The following HERC5 variants were observed in gnomAD, a reference collection of about 807,000 sequenced individuals.
HERC5 encodes HECT and RLD domain containing E3 ubiquitin protein ligase 5.
HERC5 carries 99 observed loss-of-function variants against 119.6 expected under a neutral mutation model. That is an observed-to-expected ratio of 0.83 (90% confidence interval 0.70 to 0.98). The LOEUF (loss-of-function observed/expected upper bound fraction) is 0.98, where lower values mean the gene tolerates loss of function less well. HERC5 is among the 50% of genes least tolerant of loss of function. HERC5 has a pLI of 0.00. For missense variants in HERC5, 1,267 were observed against 1,241.3 expected, an observed-to-expected ratio of 1.02 and a Z score of -0.31; for synonymous variants, 478 against 445.9, an observed-to-expected ratio of 1.07 and a Z score of -0.91.
At position 88,488,670 on chromosome 4, in the gene HERC5, T is replaced by C. The variant is rs545430431; in HGVS notation, c.1963-496T>C. Among the ~76,000 whole-genome samples the C allele has an allele frequency of 2.0e-5, 3 of 152,186 alleles. No homozygotes were observed. The East Asian group carries it at 5.8e-4, about 29-fold the overall frequency. The stretch of plus-strand genomic sequence containing the variant: ...TTCTTAGGTAAATTCTCCCTTAAAA[T>C]CTCTTGTCTTGGTTTTTTTTTTCCT... On this transcript the variant is annotated intron_variant, in intron 15 of 22. Transcript: ENST00000264350.
chr4:88,488,234 CTT>C (rs1233602413), intron 15 of HERC5, among the ~76,000 whole-genome samples: 21 of 136,592 alleles, frequency 1.5e-4, no homozygotes, highest in Admixed American at 1.5e-4. Flanking sequence ...CTTTTTTTTT[CTT>C]TTTTTTTTTT....
At chr4:88,480,015 A>C (rs1578054733) in intron 13 of HERC5, among the ~76,000 whole-genome samples, 1 of 150,844 alleles carries the variant, frequency 6.6e-6, no homozygotes, top group Non-Finnish European at 1.5e-5. Context: ...TGCAGTGAGC[A>C]GAGATCGCGC....
At position 88,486,201 on chromosome 4, in the gene HERC5, C is replaced by T; in HGVS notation, c.1824C>T (p.Cys608=). ...LHRLNFFVEV[C]RRYLWKMTVD... ...GTCTCAATTTTTTTGTAGAAGTATG[C>T]AGAAGGTACTTGTGGAAAATGACTG... is the stretch of plus-strand genomic sequence containing the variant. The change falls in exon 14 of 23, where the codon TGC becomes TGT. Residue 608 remains cysteine (C), a synonymous_variant. Transcript: ENST00000264350. The T allele has an allele frequency of 1.2e-6, 2 of 1,609,034 alleles. No homozygotes were observed. The highest frequency in any genetic ancestry group is 1.7e-6 in the Non-Finnish European group (2 of 1,176,248).
chr4:88,469,386 G>T, intron 9 of HERC5, 126 bp downstream of exon 9: 1 of 698,756 alleles, frequency 1.4e-6, no homozygotes, highest in South Asian at 1.6e-5. Context: ...CATAGGATAT[G>T]TGTGTATTTC....
intron 3 of HERC5, among the ~76,000 whole-genome samples, chr4:88,460,734 A>G (rs1363094240): frequency 1.3e-5 from 2 of 152,204 alleles, no homozygotes; most frequent in Non-Finnish European, 2.9e-5. Context: ...AATGCCTATA[A>G]TCCCAGCACT....
intron 18 of HERC5, among the ~76,000 whole-genome samples, chr4:88,497,660 A>G (rs149952857): frequency 1.3e-4 from 20 of 152,356 alleles, no homozygotes; most frequent in African/African-American, 4.3e-4. Flanking sequence ...TTAGAAAAAA[A>G]GCCAAACTTA....
intron 12 of HERC5, among the ~76,000 whole-genome samples, chr4:88,478,513 TCTA>T (rs1278754756): frequency 6.6e-6 from 1 of 152,094 alleles, no homozygotes; most frequent in Non-Finnish European, 1.5e-5. Context: ...AGTTTAGAGA[TCTA>T]CTAGATAAGA....
At chr4:88,496,176 T>C (rs1741790652) in intron 18 of HERC5, among the ~76,000 whole-genome samples, 1 of 152,208 alleles carries the variant, frequency 6.6e-6, no homozygotes, top group Non-Finnish European at 1.5e-5. Context: ...CCTCATGAAC[T>C]CTGTAAAGGC....
At chr4:88,461,511 A>G (rs1202839201) in intron 3 of HERC5, among the ~76,000 whole-genome samples, 1 of 152,214 alleles carries the variant, frequency 6.6e-6, no homozygotes, top group Non-Finnish European at 1.5e-5. Context: ...ATCCTGCACA[A>G]TATCTTGCAA....
Position 88,505,919 on chromosome 4 carries a change from C to CGTTGTTGTT in HERC5, c.*60_*68dup, listed in dbSNP as rs58490237. 3.5e-6 allele frequency: 5 copies of CGTTGTTGTT among 1,430,994 alleles called. No individual in the cohort carries two copies. The South Asian group carries it at 3.7e-5, about 11-fold the overall frequency. 88.6% of individuals were successfully genotyped at this position (1,430,994 alleles called of 1,614,324 possible). On this transcript the variant is annotated 3_prime_UTR_variant, in exon 23 of 23. Transcript: ENST00000264350. ...AACAGCCTTATTTTGTTGTTGTTATCGTTGTTGTTGTTGTTGTTGTTGTTG... is the reference window on the plus strand; with the variant it reads ...AACAGCCTTATTTTGTTGTTGTTATCGTTGTTGTTGTTGTTGTTGTTGTTGTTGTTGTTG...
intron 18 of HERC5, among the ~76,000 whole-genome samples, chr4:88,499,234 T>C (rs550408979): frequency 7.2e-5 from 11 of 152,322 alleles, no homozygotes; most frequent in South Asian, 4.1e-4. Context: ...GATATCTTAG[T>C]CTCAACTTTA....
At chr4:88,504,134 C>A in intron 20 of HERC5, 98 bp from the exon 21 acceptor site, 1 of 709,862 alleles carries the variant, frequency 1.4e-6, no homozygotes, top group Non-Finnish European at 2.4e-6. Flanking sequence ...ATGGTAGGTA[C>A]TCAATAACTG....
At chr4:88,482,640 A>T (rs1407146194) in intron 13 of HERC5, among the ~76,000 whole-genome samples, 4 of 152,096 alleles carry the variant, frequency 2.6e-5, no homozygotes, top group African/African-American at 9.7e-5. Flanking sequence ...CTAGAAGGGG[A>T]TGTGTGGGCT....
Position 88,493,000 on chromosome 4 carries a change from C to T in HERC5, c.2134-12C>T, listed in dbSNP as rs749250245. 1.2e-6 allele frequency: 2 copies of T among 1,612,996 alleles called. No individual in the cohort carries two copies. Among genetic ancestry groups the T allele is most frequent in the East Asian group, 2.2e-5 (1 of 44,868 alleles). On this transcript the variant is annotated splice_polypyrimidine_tract_variant and intron_variant, in intron 16 of 22. Transcript: ENST00000264350. ...CCCTGGAAGTGATGTATTATTTGCT[C>T]TGTTTCCTCAGGTTTCATTTAGTGG... is the stretch of plus-strand genomic sequence containing the variant.
rs776937170 is a variant in HERC5, at chr4:88,468,438, C to T, written c.1134+16C>T. 2 of 1,560,434 alleles carry T rather than the reference C, an allele frequency of 1.3e-6. No homozygotes were observed. Among genetic ancestry groups the T allele is most frequent in the South Asian group, 2.3e-5 (2 of 88,290 alleles). On this transcript the variant is annotated intron_variant, in intron 8 of 22. Coordinates refer to ENST00000264350, the MANE Select transcript of HERC5 (RefSeq NM_016323.4). ...AAAGAAAGAGGTAAAAATAGATCTC[C>T]AGGTGTTCTATAACCTGGTATTTTA...
intron 18 of HERC5, among the ~76,000 whole-genome samples, chr4:88,498,239 C>A (rs1329044439): frequency 6.6e-6 from 1 of 152,126 alleles, no homozygotes; most frequent in East Asian, 1.9e-4. Context: ...TGAGGCTGCT[C>A]TAGAGACCCG....
chr4:88,495,532 C>A (rs376609358), intron 18 of HERC5, among the ~76,000 whole-genome samples: 16 of 152,020 alleles, frequency 1.1e-4, no homozygotes, highest in African/African-American at 3.9e-4. Context: ...TGCACTCCAG[C>A]CTGGGCGACA....
At chr4:88,502,649 G>A (rs62308683) in intron 20 of HERC5, among the ~76,000 whole-genome samples, 5,096 of 152,274 alleles carry the variant, frequency 0.033, 135 homozygotes, top group South Asian at 0.076. Context: ...TTCATCAGTA[G>A]GGTACGACAG....
At chr4:88,488,793 G>A (rs1373011501) in intron 15 of HERC5, among the ~76,000 whole-genome samples, 1 of 152,026 alleles carries the variant, frequency 6.6e-6, no homozygotes, top group Non-Finnish European at 1.5e-5. Flanking sequence ...GAATGAGAGA[G>A]CATCATGTTG....
Sources: gnomAD v4.1 joint callset for allele counts (sites outside exome capture counted in the v4.1 genomes callset) on GRCh38, gnomAD v4.1.1 for gene constraint, MANE v1.5 for transcripts, NCBI Gene and HGNC (gene_info 2026-07-23, HGNC 2026-07-21) for gene names.